Variants in CLPB observed in about 807,000 individuals in gnomAD.
CLPB encodes ClpB family mitochondrial disaggregase.
A neutral mutation model predicts 78.4 loss-of-function variants in CLPB; 40 were observed. The ratio of observed to expected loss-of-function variants is 0.51; its 90% CI spans 0.40 to 0.66. The LOEUF is 0.66. CLPB is among the 30% of genes least tolerant of loss of function. CLPB has a pLI of 0.00. For synonymous variants in CLPB, 333 were observed against 348.0 expected, an observed-to-expected ratio of 0.96 and a Z score of 0.48; for missense variants, 780 against 886.9, an observed-to-expected ratio of 0.88 and a Z score of 1.53.
intron 5 of CLPB, among the ~76,000 whole-genome samples, chr11:72,350,582 G>A (rs917315831): frequency 4.6e-5 from 7 of 152,096 alleles, no homozygotes; most frequent in African/African-American, 1.7e-4. Flanking sequence ...ATACATATTT[G>A]TTAAAATAAT....
At chr11:72,296,756 G>C (rs945503182) in intron 11 of CLPB, among the ~76,000 whole-genome samples, 4 of 152,154 alleles carry the variant, frequency 2.6e-5, no homozygotes, top group Non-Finnish European at 5.9e-5. Flanking sequence ...GTTCATCACT[G>C]TGTCCCAGAA....
intron 4 of CLPB, chr11:72,373,106 T>A: frequency 9.2e-7 from 1 of 1,088,468 alleles, no homozygotes; most frequent in Non-Finnish European, 1.4e-6. Flanking sequence ...CTGGTGGGGT[T>A]GTTCCAAGCC....
intron 7 of CLPB, among the ~76,000 whole-genome samples, chr11:72,316,224 C>T (rs1949939010): frequency 6.6e-6 from 1 of 152,214 alleles, no homozygotes; most frequent in South Asian, 2.1e-4. Context: ...TGTTAACATA[C>T]AGATCCCAGA....
chr11:72,380,225 C>T (rs1426872560), intron 4 of CLPB, 56 bp downstream of exon 4: 7 of 1,319,072 alleles, frequency 5.3e-6, no homozygotes, highest in African/African-American at 1.4e-5. Context: ...CAGAGCAAGG[C>T]TGCATGAAAG....
intron 1 of CLPB, among the ~76,000 whole-genome samples, chr11:72,430,978 C>T (rs1856529653): frequency 6.6e-6 from 1 of 152,154 alleles, no homozygotes. Flanking sequence ...AGACAAAACT[C>T]CTTGCCCTGC....
At chr11:72,345,305 T>TATAC (rs1204563911) in intron 5 of CLPB, among the ~76,000 whole-genome samples, 1 of 152,232 alleles carries the variant, frequency 6.6e-6, no homozygotes, top group Non-Finnish European at 1.5e-5. Context: ...ATACATGGAA[T>TATAC]ATACATACAA....
chr11:72,412,411 T>C (rs193293812), intron 2 of CLPB, among the ~76,000 whole-genome samples: 2 of 152,240 alleles, frequency 1.3e-5, no homozygotes, highest in African/African-American at 2.4e-5. Context: ...TACTGTGGAA[T>C]GTGTCTGCAT....
intron 3 of CLPB, among the ~76,000 whole-genome samples, chr11:72,397,300 T>C (rs1475355181): frequency 6.6e-6 from 1 of 152,232 alleles, no homozygotes. Flanking sequence ...TTATATCCAG[T>C]TTTTGGTGGT....
chr11:72,375,208 T>C (rs1218579759), intron 4 of CLPB, among the ~76,000 whole-genome samples: 2 of 152,162 alleles, frequency 1.3e-5, no homozygotes, highest in Non-Finnish European at 2.9e-5. Flanking sequence ...TCAAGAACCA[T>C]TGCTAATCTT....
In CLPB at chr11:72,358,932, G is replaced by A. The variant is rs368930954; in HGVS notation, c.723C>T (p.His241=). ...GGTAGTCATCAGCAAGAACAGCATA[G>A]TGCAAGGCCGTGCAGCCCTTGAAAC... ...RASFKGCTAL[H]YAVLADDYRT... The change falls in exon 5 of 16, where the codon CAC becomes CAT. Residue 241 remains histidine (H), a synonymous_variant. Transcript: ENST00000538039. 9.4e-5 allele frequency: 151 copies of A among 1,612,482 alleles called. No homozygotes were observed. The African/African-American group carries it at 1.9e-3, about 21-fold the overall frequency.
intron 9 of CLPB, among the ~76,000 whole-genome samples, chr11:72,304,988 C>T (rs936578287): frequency 5.3e-5 from 8 of 152,160 alleles, no homozygotes; most frequent in Admixed American, 4.6e-4. Context: ...AAAGTGTCTA[C>T]GCAAAACACA....
intron 2 of CLPB, among the ~76,000 whole-genome samples, chr11:72,416,599 G>C (rs974977237): frequency 3.3e-5 from 5 of 151,914 alleles, no homozygotes; most frequent in African/African-American, 1.2e-4. Flanking sequence ...AGCCAGGCAT[G>C]GTGGCACGTG....
chr11:72,293,649 G>A (rs538320125), intron 15 of CLPB, 34 bp from the exon 16 acceptor site: 66 of 1,588,344 alleles, frequency 4.2e-5, no homozygotes, highest in East Asian at 1.8e-4. Flanking sequence ...TCACTCCCTC[G>A]GCCTGGACCC....
intron 5 of CLPB, among the ~76,000 whole-genome samples, chr11:72,345,440 T>C (rs2135578576): frequency 6.6e-6 from 1 of 152,334 alleles, no homozygotes; most frequent in East Asian, 1.9e-4. Flanking sequence ...TGCTACCTTT[T>C]GTGTAGGCAG....
Position 72,430,356 on chromosome 11 carries a change from G to T in CLPB, c.411C>A (p.Ala137=). 27 of 1,613,106 alleles carry T rather than the reference G, an allele frequency of 1.7e-5. No individual in the cohort carries two copies. The highest frequency in any genetic ancestry group is 2.3e-5 in the Non-Finnish European group (27 of 1,179,846). The change falls in exon 2 of 16, where the codon GCC becomes GCA. Residue 137 remains alanine (A), a synonymous_variant. Transcript: ENST00000538039. ...YSKSPSNKDA[A]LLEAARANNM... is the part of the protein sequence containing the mutation. ...TGTTGGCACGGGCAGCTTCCAACAG[G>T]GCTGCATCTGAAGAGAAAGGGGGCA...
intron 6 of CLPB, among the ~76,000 whole-genome samples, chr11:72,329,344 AC>A (rs1355320639): frequency 6.6e-6 from 1 of 152,202 alleles, no homozygotes; most frequent in African/African-American, 2.4e-5. Flanking sequence ...GAAAAATATG[AC>A]CAAAATCTTT....
At position 72,290,624 on chromosome 11, in the gene CLPB, C is replaced by T. The variant is rs753264327; in HGVS notation, c.*2743G>A. 3 of 152,154 alleles carry T rather than the reference C, an allele frequency of 2.0e-5. No individual in the cohort carries two copies. Among genetic ancestry groups the T allele is most frequent in the Non-Finnish European group, 2.9e-5 (2 of 68,038 alleles). The allele number at this position is 152,154 out of a possible 1,614,324, so 9.4% of individuals were successfully genotyped here. On this transcript the variant is annotated 3_prime_UTR_variant, in exon 16 of 16. Transcript: ENST00000538039. ...TTTTACAGTGGAGAAACCTGGCACA[C>T]ACCACCTTAGCCATGTGATCAAAGT...
At position 72,374,724 on chromosome 11, in the gene CLPB, C is replaced by G. The variant is rs1951108356; in HGVS notation, c.646+5557G>C. 1.3e-5 allele frequency among the ~76,000 whole-genome samples: 2 copies of G among 152,214 alleles called. 1 individual carries two copies. The highest frequency in any genetic ancestry group is 4.1e-4 in the South Asian group (2 of 4,832). ...CTCCCTAGGCTGTGTCTGTTCTCAG[C>G]AGGTAAAACAGATACAAAGCATCTT... is the stretch of plus-strand genomic sequence containing the variant. On this transcript the variant is annotated intron_variant, in intron 4 of 15. Coordinates refer to ENST00000538039, the MANE Select transcript of CLPB (RefSeq NM_001258392.3).
chr11:72,313,426 G>A (rs1249175982), intron 7 of CLPB, among the ~76,000 whole-genome samples: 1 of 152,214 alleles, frequency 6.6e-6, no homozygotes, highest in Non-Finnish European at 1.5e-5. Flanking sequence ...AATGCAAGTA[G>A]TAGCTTCTTA....
Sources: allele counts gnomAD v4.1 joint callset (sites outside exome capture counted in the v4.1 genomes callset), GRCh38; gene constraint gnomAD v4.1.1; transcripts MANE v1.5; gene names NCBI Gene and HGNC (gene_info 2026-07-23, HGNC 2026-07-21).